The following NR1D2 variants were observed in gnomAD, a reference collection of about 807,000 sequenced individuals.
NR1D2 encodes nuclear receptor subfamily 1 group D member 2, also known as V-erbA-related protein 1-related.
Under a neutral mutation model 52.2 loss-of-function variants are expected in NR1D2, and 25 were observed. That is an observed-to-expected ratio of 0.48 (90% CI 0.35 to 0.67). The LOEUF (loss-of-function observed/expected upper bound fraction) is 0.67, where lower values mean the gene tolerates loss of function less well. NR1D2 is among the 30% of genes least tolerant of loss of function. The probability of loss-of-function intolerance (pLI) is 0.01; values close to 1 mark genes in which losing one functional copy is unlikely to be tolerated. For synonymous variants in NR1D2, 259 were observed against 230.1 expected (o/e 1.13, Z -1.14); for missense variants, 681 against 707.2 (o/e 0.96, Z 0.42).
chr3:23,945,426 C>G lies in NR1D2; in HGVS notation c.-153C>G. The G allele has an allele frequency of 8.5e-6, 2 of 234,466 alleles. No homozygotes were observed. Among genetic ancestry groups the G allele is most frequent in the Non-Finnish European group, 1.5e-5 (2 of 135,806 alleles). 14.5% of individuals were successfully genotyped at this position (234,466 alleles called of 1,614,324 possible). On this transcript the variant is annotated 5_prime_UTR_variant, in exon 1 of 8. Coordinates refer to ENST00000312521, the MANE Select transcript of NR1D2 (RefSeq NM_005126.5). ...CTGCAGCCTGCTGTGCGCTGCACGG[C>G]CTGGGGCCCGGGAGCCCCGCCCGCT...
intron 1 of NR1D2, among the ~76,000 whole-genome samples, chr3:23,952,190 C>A (rs1705950648): frequency 6.6e-6 from 1 of 152,078 alleles, no homozygotes; most frequent in Admixed American, 6.5e-5. Flanking sequence ...TAGTTAGGGA[C>A]CATGTTGCAG....
chr3:23,951,352 G>A (rs1705926754), intron 1 of NR1D2, among the ~76,000 whole-genome samples: 2 of 152,192 alleles, frequency 1.3e-5, no homozygotes, highest in Non-Finnish European at 1.5e-5. Context: ...GATGTTAGAT[G>A]TGAATTTAGT....
At chr3:23,950,896 CTTTT>C (rs1705909537) in intron 1 of NR1D2, among the ~76,000 whole-genome samples, 1 of 132,340 alleles carries the variant, frequency 7.6e-6, no homozygotes, top group East Asian at 2.0e-4. Context: ...TTTTCTCTTT[CTTTT>C]TCTTTTTTTT....
chr3:23,964,924 ATTTC>A (rs1706397853), intron 5 of NR1D2, 49 bp from the exon 6 acceptor site: 2 of 1,244,228 alleles, frequency 1.6e-6, no homozygotes, highest in Non-Finnish European at 2.3e-6. Flanking sequence ...TGCTTTTGAC[ATTTC>A]TTTACCACCT....
At position 23,977,228 on chromosome 3, in the gene NR1D2, T is replaced by A. The variant is rs1188844593; in HGVS notation, c.1549T>A (p.Ser517Thr). The change falls in exon 8 of 8, where the codon TCT (serine) becomes ACT (threonine). Residue 517 changes from serine to threonine, a missense_variant. By Grantham distance (58) the Ser-to-Thr change is moderately conservative. Coordinates refer to ENST00000312521, the MANE Select transcript of NR1D2 (RefSeq NM_005126.5). ...TAVVLVSADR[S>T]GIENVNSVEA... ...CTATTCCTGATCTCTCTTAGATCGA[T>A]CTGGAATAGAAAACGTCAACTCTGT... The A allele has an allele frequency of 1.3e-6, 2 of 1,580,542 alleles. No individual in the cohort carries two copies. Among genetic ancestry groups the A allele is most frequent in the South Asian group, 1.2e-5 (1 of 85,946 alleles).
intron 7 of NR1D2, among the ~76,000 whole-genome samples, chr3:23,976,755 G>A (rs1298565924): frequency 6.6e-6 from 1 of 151,532 alleles, no homozygotes; most frequent in Non-Finnish European, 1.5e-5. Context: ...CCACTTAGTA[G>A]GAGGAGGTTG....
intron 1 of NR1D2, chr3:23,945,985 C>G (rs1045276976): frequency 3.8e-6 from 2 of 523,380 alleles, no homozygotes; most frequent in Non-Finnish European, 4.9e-6. Context: ...CCGCTCGGCT[C>G]CCTGACCCAC....
At chr3:23,963,271 C>T (rs1706335339) in intron 5 of NR1D2, 6 of 1,351,806 alleles carry the variant, frequency 4.4e-6, no homozygotes, top group African/African-American at 2.9e-5. Context: ...AGCAGTACCA[C>T]ACCATTTCCA....
At chr3:23,958,140 C>T (rs1454404247) in intron 3 of NR1D2, among the ~76,000 whole-genome samples, 2 of 152,200 alleles carry the variant, frequency 1.3e-5, no homozygotes, top group Admixed American at 6.5e-5. Flanking sequence ...TAGTTGGGAA[C>T]TGTCTTTCCT....
intron 3 of NR1D2, among the ~76,000 whole-genome samples, chr3:23,958,629 G>T (rs1358181086): frequency 7.8e-6 from 1 of 128,568 alleles, no homozygotes; most frequent in Non-Finnish European, 1.6e-5. Context: ...GACAGAGCAA[G>T]ACCCTGTCTC....
In NR1D2 at chr3:23,979,244, T is replaced by G. The variant is rs965978534; in HGVS notation, c.*1825T>G. 1 of 152,140 alleles carries G rather than the reference T, an allele frequency of 6.6e-6. No individual in the cohort carries two copies. Among genetic ancestry groups the G allele is most frequent in the Non-Finnish European group, 1.5e-5 (1 of 67,962 alleles). The allele number at this position is 152,140 out of a possible 1,614,324, so 9.4% of individuals were successfully genotyped here. A position where few individuals can be genotyped will look rare whatever the true frequency, so the allele number is the denominator to read the frequency against. ...GTCTGTAGTACAATATAAACCATAA[T>G]TGTGATTTACCTTAAGTAGGTATAA... On this transcript the variant is annotated 3_prime_UTR_variant, in exon 8 of 8. Coordinates refer to ENST00000312521, the MANE Select transcript of NR1D2 (RefSeq NM_005126.5).
chr3:23,968,040 A>T lies in NR1D2; in HGVS notation c.1543+17A>T. 1 of 1,609,096 alleles carries T rather than the reference A, an allele frequency of 6.2e-7. No individual in the cohort carries two copies. Among genetic ancestry groups the T allele is most frequent in the Non-Finnish European group, 8.5e-7 (1 of 1,175,430 alleles). On this transcript the variant is annotated intron_variant, in intron 7 of 7. Transcript: ENST00000312521. ...TATCTGCAGGTAAGCAAGCTGGTTC[A>T]AAATTGTGCCACACCTAGCATATAG...
chr3:23,946,511 A>G (rs79447376), intron 1 of NR1D2: 25,445 of 158,914 alleles, frequency 0.16, 2,329 homozygotes, highest in Non-Finnish European at 0.2. Context: ...TACAAAAAAA[A>G]CCGTTTGCTC....
intron 1 of NR1D2, among the ~76,000 whole-genome samples, chr3:23,952,111 A>G (rs761333722): frequency 6.6e-6 from 1 of 152,188 alleles, no homozygotes. Context: ...GATAATTTGC[A>G]TTTCTAACAG....
At chr3:23,950,582 T>G (rs1300497814) in intron 1 of NR1D2, among the ~76,000 whole-genome samples, 1 of 152,196 alleles carries the variant, frequency 6.6e-6, no homozygotes, top group Admixed American at 6.5e-5. Flanking sequence ...CATAGATGGG[T>G]GTCTAGTAGC....
rs1000557103 is a variant in NR1D2, at chr3:23,967,757, A to T, written c.1333-56A>T. 2.9e-6 allele frequency: 4 copies of T among 1,364,184 alleles called. No homozygotes were observed. In the African/African-American group the frequency reaches 5.8e-5, roughly 20 times the overall value. 84.5% of individuals were successfully genotyped at this position (1,364,184 alleles called of 1,614,324 possible). On this transcript the variant is annotated intron_variant, in intron 6 of 7. Coordinates refer to ENST00000312521, the MANE Select transcript of NR1D2 (RefSeq NM_005126.5). ...AACTGACTTGATTGAATACTAAGTT[A>T]TTTTTTTATTATTGCTGTTAGACTT...
At chr3:23,963,010 A>G (rs1231196695) in intron 5 of NR1D2, among the ~76,000 whole-genome samples, 4 of 151,742 alleles carry the variant, frequency 2.6e-5, no homozygotes, top group African/African-American at 9.7e-5. Flanking sequence ...TTTCTATAGA[A>G]AGAGGTTTTT....
At position 23,954,704 on chromosome 3, in the gene NR1D2, A is replaced by T. The variant is rs1265407184; in HGVS notation, c.184A>T (p.Asn62Tyr). ...TAATCCCAAGAATGGTGATCTCGCC[A>T]ATATTGAAGGCATCTTGAAGAATGA... is the stretch of plus-strand genomic sequence containing the variant. ...NGNPKNGDLA[N>Y]IEGILKNDRI... Residue 62 changes from asparagine to tyrosine, a missense_variant, in exon 2 of 8, where the codon AAT (asparagine) becomes TAT (tyrosine). This residue lies in a region of NR1D2 where 94 missense variants were observed against 90.4 expected (regional missense o/e 1.04). Coordinates refer to ENST00000312521, the MANE Select transcript of NR1D2 (RefSeq NM_005126.5). 6.8e-6 allele frequency: 11 copies of T among 1,614,008 alleles called. No individual in the cohort carries two copies. Among genetic ancestry groups the T allele is most frequent in the Non-Finnish European group, 8.5e-6 (10 of 1,179,968 alleles).
intron 7 of NR1D2, among the ~76,000 whole-genome samples, chr3:23,976,217 A>G (rs1706719010): frequency 6.6e-6 from 1 of 152,236 alleles, no homozygotes; most frequent in South Asian, 2.1e-4. Context: ...ATGAAAGTGA[A>G]TGTAGGGTTA....
Sources: allele counts gnomAD v4.1 joint callset (sites outside exome capture counted in the v4.1 genomes callset), GRCh38; gene constraint gnomAD v4.1.1; regional missense constraint gnomAD v4.1.1; transcripts MANE v1.5; gene names NCBI Gene and HGNC (gene_info 2026-07-23, HGNC 2026-07-21).